The following OR1A1 variants were observed in gnomAD, a reference collection of about 807,000 sequenced individuals.
OR1A1 encodes olfactory receptor 1A1.
For synonymous variants in OR1A1, 145 were observed against 147.8 expected, an observed-to-expected ratio of 0.98 and a Z score of 0.13; for missense variants, 391 against 379.9, an observed-to-expected ratio of 1.03 and a Z score of -0.24.
At chr17:3,212,765 TAC>T (rs1280209304) in intron 3 of OR1A1, 166 bp downstream of exon 3, 1 of 152,160 alleles carries the variant, frequency 6.6e-6, no homozygotes, top group East Asian at 1.9e-4. Flanking sequence ...AGGACGTGGA[TAC>T]ACACAGAGTG....
intron 3 of OR1A1, chr17:3,215,308 G>C (rs1157757501): frequency 3.1e-6 from 1 of 320,224 alleles, no homozygotes; most frequent in African/African-American, 2.1e-5. Context: ...CTAGACCATG[G>C]GACATGACAA....
chr17:3,216,172 G>A lies in OR1A1; in HGVS notation c.552G>A (p.Leu184=), dbSNP rs759942715. The A allele has an allele frequency of 6.8e-6, 11 of 1,614,136 alleles. No homozygotes were observed. The Middle Eastern group carries it at 1.3e-3, about 194-fold the overall frequency. The change falls in exon 4 of 4, where the codon TTG becomes TTA. Residue 184 remains leucine, a synonymous_variant. Coordinates refer to ENST00000641732, the MANE Select transcript of OR1A1 (RefSeq NM_014565.3). ...VANFYCDITP[L]LKLSCSDIHF... Reference sequence around the variant, plus strand: ...ACTTCTACTGTGACATTACCCCCTTGCTGAAGTTATCCTGTTCTGACATCC... The same window carrying A: ...ACTTCTACTGTGACATTACCCCCTTACTGAAGTTATCCTGTTCTGACATCC...
In OR1A1 at chr17:3,217,640, T is replaced by C. The variant is rs1286576763; in HGVS notation, c.*1090T>C. On this transcript the variant is annotated 3_prime_UTR_variant, in exon 4 of 4. Coordinates refer to ENST00000641732, the MANE Select transcript of OR1A1 (RefSeq NM_014565.3). ...ATAACACCACACATCTACAACCATC[T>C]GATCTTTGACAAACCTGACAAAAAC... The C allele has an allele frequency of 1.3e-5, 2 of 152,194 alleles. No homozygotes were observed. Among genetic ancestry groups the C allele is most frequent in the Non-Finnish European group, 2.9e-5 (2 of 68,044 alleles). 9.4% of individuals were successfully genotyped at this position (152,194 alleles called of 1,614,324 possible).
rs2048479736 is a variant in OR1A1, at chr17:3,218,154, A to G, written c.*1604A>G. On this transcript the variant is annotated 3_prime_UTR_variant, in exon 4 of 4. Coordinates refer to ENST00000641732, the MANE Select transcript of OR1A1 (RefSeq NM_014565.3). ...AAAAGAAGACATTTATGCAGCCAAT[A>G]AACATATGAAAAAAAGCTCAACATC... The G allele has an allele frequency of 6.6e-6, 1 of 152,256 alleles. No homozygotes were observed. Among genetic ancestry groups the G allele is most frequent in the African/African-American group, 2.4e-5 (1 of 41,460 alleles). The allele number at this position is 152,256 out of a possible 1,614,324, so 9.4% of individuals were successfully genotyped here.
intron 2 of OR1A1, among the ~76,000 whole-genome samples, chr17:3,210,808 G>A (rs1293965757): frequency 6.6e-6 from 1 of 152,014 alleles, no homozygotes; most frequent in Non-Finnish European, 1.5e-5. Context: ...GTTTCACCAT[G>A]TTATCCAGGC....
At position 3,216,699 on chromosome 17, in the gene OR1A1, T is replaced by C. The variant is rs1431522113; in HGVS notation, c.*149T>C. 1 of 615,696 alleles carries C rather than the reference T, an allele frequency of 1.6e-6. No individual in the cohort carries two copies. 38.1% of individuals were successfully genotyped at this position (615,696 alleles called of 1,614,324 possible). ...AGAACTCTTATAACATTTTAATAAGTTAATAATAAGTGATTATTGAAATTA... is the reference window on the plus strand; with the variant it reads ...AGAACTCTTATAACATTTTAATAAGCTAATAATAAGTGATTATTGAAATTA... On this transcript the variant is annotated 3_prime_UTR_variant, in exon 4 of 4. Transcript: ENST00000641732.
In OR1A1 at chr17:3,215,807, C is replaced by T. The variant is rs1369844114; in HGVS notation, c.187C>T (p.Leu63Phe). Residue 63 changes from leucine (L) to phenylalanine (F), a missense_variant, in exon 4 of 4, where the codon CTT (leucine) becomes TTT (phenylalanine). Coordinates refer to ENST00000641732, the MANE Select transcript of OR1A1 (RefSeq NM_014565.3). ...VRLHNPMYFLLANLSLVDIFF... is the reference protein window; with the variant it reads ...VRLHNPMYFLFANLSLVDIFF... ...CCTTCACAACCCCATGTATTTTCTC[C>T]TTGCCAACCTCTCCTTGGTTGACAT... 6.2e-7 allele frequency: 1 copy of T among 1,614,164 alleles called. No individual in the cohort carries two copies. The highest frequency in any genetic ancestry group is 1.7e-5 in the Admixed American group (1 of 60,022).
rs1597294390 is a variant in OR1A1, at chr17:3,217,705, T to C, written c.*1155T>C. 6.6e-6 allele frequency: 1 copy of C among 152,142 alleles called. No individual in the cohort carries two copies. Among genetic ancestry groups the C allele is most frequent in the African/African-American group, 2.4e-5 (1 of 41,426 alleles). 9.4% of individuals were successfully genotyped at this position (152,142 alleles called of 1,614,324 possible). On this transcript the variant is annotated 3_prime_UTR_variant, in exon 4 of 4. Transcript: ENST00000641732. ...GGATTCCCTATTTAATAAATGGTGTTGGGAAAACTGGCTAGCCATATGCAG... is the reference window on the plus strand; with the variant it reads ...GGATTCCCTATTTAATAAATGGTGTCGGGAAAACTGGCTAGCCATATGCAG...
chr17:3,213,562 G>C (rs141120751), intron 3 of OR1A1: 3 of 152,206 alleles, frequency 2.0e-5, no homozygotes, highest in Non-Finnish European at 4.4e-5. Context: ...ATCACAAAAT[G>C]TAAAATGGCT....
At chr17:3,209,401 T>C (rs1439655007) in intron 2 of OR1A1, among the ~76,000 whole-genome samples, 2 of 152,124 alleles carry the variant, frequency 1.3e-5, no homozygotes, top group African/African-American at 4.8e-5. Context: ...AGTGGGAGGA[T>C]CACTTCAGGC....
Position 3,216,137 on chromosome 17 carries a change from G to A in OR1A1, c.517G>A (p.Glu173Lys), listed in dbSNP as rs1300345102. The change falls in exon 4 of 4, where the codon GAA (glutamate) becomes AAA (lysine). Residue 173 changes from glutamate (E) to lysine (K), a missense_variant. Physicochemically the swap from Glu to Lys is moderately conservative, Grantham distance 56 (BLOSUM62 1). Coordinates refer to ENST00000641732, the MANE Select transcript of OR1A1 (RefSeq NM_014565.3). ...TAGTCTGTCCTTCTGTGGCAACCAG[G>A]AAGTGGCCAACTTCTACTGTGACAT... ...TASLSFCGNQEVANFYCDITP... is the reference protein window; with the variant it reads ...TASLSFCGNQKVANFYCDITP... 2 of 1,614,008 alleles carry A rather than the reference G, an allele frequency of 1.2e-6. No homozygotes were observed. Among genetic ancestry groups the A allele is most frequent in the Non-Finnish European group, 1.7e-6 (2 of 1,180,004 alleles).
In OR1A1 at chr17:3,218,360, G is replaced by GT. The variant is rs1484972477; in HGVS notation, c.*1811dup. ...TTCAACTATCATGGAAGACAGTGTG[G>GT]TGACTCCTCAAGGATCTAGAACCAC... On this transcript the variant is annotated 3_prime_UTR_variant, in exon 4 of 4. Transcript: ENST00000641732. 6.6e-6 allele frequency: 1 copy of GT among 152,224 alleles called. No individual in the cohort carries two copies. Among genetic ancestry groups the GT allele is most frequent in the Non-Finnish European group, 1.5e-5 (1 of 68,048 alleles). The allele number at this position is 152,224 out of a possible 1,614,324, so 9.4% of individuals were successfully genotyped here.
chr17:3,216,046 C>G lies in OR1A1; in HGVS notation c.426C>G (p.Ile142Met). The change falls in exon 4 of 4, where the codon ATC becomes ATG. Residue 142 changes from isoleucine to methionine, a missense_variant. Transcript: ENST00000641732. The stretch of plus-strand genomic sequence containing the variant: ...CAATTATGAGTCCACGGTCTTGTAT[C>G]TGGCTTATTGCTGGGTCTTGGGTGA... ...YTTIMSPRSC[I>M]WLIAGSWVIG... 1.2e-6 allele frequency: 2 copies of G among 1,614,176 alleles called. No individual in the cohort carries two copies. Among genetic ancestry groups the G allele is most frequent in the Non-Finnish European group, 1.7e-6 (2 of 1,180,032 alleles).
chr17:3,213,536 G>A (rs185089737), intron 3 of OR1A1: 1 of 152,308 alleles, frequency 6.6e-6, no homozygotes, highest in East Asian at 1.9e-4. Flanking sequence ...ATATTCTGCA[G>A]AACTGTCACA....
At chr17:3,211,492 C>G (rs951359924) in intron 2 of OR1A1, among the ~76,000 whole-genome samples, 31 of 152,128 alleles carry the variant, frequency 2.0e-4, no homozygotes, top group African/African-American at 7.0e-4. Context: ...TGCACCACCA[C>G]GCCCAGCTAA....
rs974794649 is a variant in OR1A1, at chr17:3,217,765, A to G, written c.*1215A>G. 6.6e-6 allele frequency: 1 copy of G among 152,240 alleles called. No homozygotes were observed. Among genetic ancestry groups the G allele is most frequent in the Non-Finnish European group, 1.5e-5 (1 of 68,046 alleles). The allele number at this position is 152,240 out of a possible 1,614,324, so 9.4% of individuals were successfully genotyped here. On this transcript the variant is annotated 3_prime_UTR_variant, in exon 4 of 4. Coordinates refer to ENST00000641732, the MANE Select transcript of OR1A1 (RefSeq NM_014565.3). ...ACTGGACCCCTTTCTTACATCTTATACAAAAATTAACTCAAGATGGATTAA... is the reference window on the plus strand; with the variant it reads ...ACTGGACCCCTTTCTTACATCTTATGCAAAAATTAACTCAAGATGGATTAA...
chr17:3,208,428 T>C (rs2048423459), intron 1 of OR1A1, among the ~76,000 whole-genome samples, 153 bp from the exon 2 acceptor site: 1 of 152,066 alleles, frequency 6.6e-6, no homozygotes, highest in African/African-American at 2.4e-5. Context: ...ACCTTGGTCA[T>C]GCTAATGGGC....
At position 3,215,941 on chromosome 17, in the gene OR1A1, G is replaced by C. The variant is rs762354951; in HGVS notation, c.321G>C (p.Leu107Phe). Residue 107 changes from leucine (L) to phenylalanine (F), a missense_variant, in exon 4 of 4, where the codon TTG (leucine) becomes TTC (phenylalanine). By Grantham distance (22) the Leu-to-Phe change is conservative. Transcript: ENST00000641732. ...CLTQMYFMIA[L>F]GNTDSYILAA... ...CGCAGATGTATTTCATGATAGCCTTGGGTAACACAGACAGCTATATTTTGG... is the reference window on the plus strand; with the variant it reads ...CGCAGATGTATTTCATGATAGCCTTCGGTAACACAGACAGCTATATTTTGG... The C allele has an allele frequency of 6.2e-7, 1 of 1,614,134 alleles. No individual in the cohort carries two copies. The highest frequency in any genetic ancestry group is 8.5e-7 in the Non-Finnish European group (1 of 1,180,044).
chr17:3,217,331 T>A lies in OR1A1; in HGVS notation c.*781T>A, dbSNP rs1344734625. On this transcript the variant is annotated 3_prime_UTR_variant, in exon 4 of 4. Transcript: ENST00000641732. ...TCCTCTTTTATACAAAGAATCAATA[T>A]CATGAAAATGGCCATACTGCCCAAA... is the stretch of plus-strand genomic sequence containing the variant. 1.3e-5 allele frequency: 2 copies of A among 152,122 alleles called. No homozygotes were observed. The highest frequency in any genetic ancestry group is 2.4e-5 in the African/African-American group (1 of 41,412). 9.4% of individuals were successfully genotyped at this position (152,122 alleles called of 1,614,324 possible).
Sources: gnomAD v4.1 joint callset for allele counts (sites outside exome capture counted in the v4.1 genomes callset) on GRCh38, gnomAD v4.1.1 for gene constraint, MANE v1.5 for transcripts, NCBI Gene and HGNC (gene_info 2026-07-23, HGNC 2026-07-21) for gene names.